The following EXOC4 variants were observed in gnomAD, a reference collection of about 807,000 sequenced individuals.
EXOC4 encodes exocyst complex component 4.
In EXOC4, 71 loss-of-function variants were observed where a neutral mutation model predicts 107.2. The observed-to-expected ratio is 0.66, with a 90% CI of 0.55 to 0.81. EXOC4 has a LOEUF of 0.81. EXOC4 is among the 30% of genes least tolerant of loss of function. The pLI is 0.00. For synonymous variants in EXOC4, 456 were observed against 441.2 expected, an observed-to-expected ratio of 1.03 and a Z score of -0.42; for missense variants, 1,108 against 1,189.6, an observed-to-expected ratio of 0.93 and a Z score of 1.01.
At chr7:133,408,454 A>G (rs1019912856) in intron 7 of EXOC4, among the ~76,000 whole-genome samples, 40 of 148,478 alleles carry the variant, frequency 2.7e-4, no homozygotes, top group African/African-American at 9.2e-4. Flanking sequence ...GTGATGGTAG[A>G]GATGATGGTG....
At chr7:133,692,382 C>T (rs537076464) in intron 10 of EXOC4, among the ~76,000 whole-genome samples, 4 of 152,288 alleles carry the variant, frequency 2.6e-5, no homozygotes, top group African/African-American at 7.2e-5. Context: ...TTTACAGCAT[C>T]GCAGGCTTTA....
At chr7:134,022,348 G>A (rs1795048713) in intron 17 of EXOC4, among the ~76,000 whole-genome samples, 1 of 152,214 alleles carries the variant, frequency 6.6e-6, no homozygotes, top group South Asian at 2.1e-4. Flanking sequence ...GCACATGTGT[G>A]TGAGGAAGCT....
At chr7:133,767,632 A>AT (rs1562989109) in intron 10 of EXOC4, among the ~76,000 whole-genome samples, 1 of 152,000 alleles carries the variant, frequency 6.6e-6, no homozygotes, top group South Asian at 2.1e-4. Context: ...TTCAACTGCA[A>AT]TCTTACATGA....
intron 17 of EXOC4, among the ~76,000 whole-genome samples, chr7:134,061,900 A>C (rs539778802): frequency 6.6e-6 from 1 of 152,328 alleles, no homozygotes; most frequent in Admixed American, 6.5e-5. Context: ...AGATACATTA[A>C]GGAGTAGAAT....
chr7:133,800,571 A>G (rs966610773), intron 10 of EXOC4, among the ~76,000 whole-genome samples: 2 of 152,208 alleles, frequency 1.3e-5, no homozygotes, highest in Admixed American at 6.5e-5. Flanking sequence ...ATTATTAAGT[A>G]ATATTTCTGC....
chr7:133,685,308 A>T (rs530914108), intron 10 of EXOC4, among the ~76,000 whole-genome samples: 3 of 152,108 alleles, frequency 2.0e-5, no homozygotes, highest in Middle Eastern at 3.2e-3. Flanking sequence ...GTGAGTTCTC[A>T]TGAGATCTGA....
At chr7:133,675,624 A>G (rs1387131883) in intron 10 of EXOC4, among the ~76,000 whole-genome samples, 1 of 152,170 alleles carries the variant, frequency 6.6e-6, no homozygotes, top group Admixed American at 6.6e-5. Flanking sequence ...TTCTATGTGG[A>G]CAAATCATTC....
intron 13 of EXOC4, among the ~76,000 whole-genome samples, chr7:133,933,859 C>CG (rs1349088905): frequency 5.3e-5 from 8 of 152,308 alleles, no homozygotes; most frequent in Non-Finnish European, 1.0e-4. Flanking sequence ...TGTGGTGAGA[C>CG]GTTCCGTTTT....
At chr7:133,645,199 C>T (rs1410432919) in intron 10 of EXOC4, among the ~76,000 whole-genome samples, 3 of 150,346 alleles carry the variant, frequency 2.0e-5, no homozygotes, top group Non-Finnish European at 4.4e-5. Flanking sequence ...TCAAGTGATT[C>T]TCCTGCCTCA....
chr7:133,722,239 AT>A (rs1366653157), intron 10 of EXOC4, among the ~76,000 whole-genome samples: 1 of 152,236 alleles, frequency 6.6e-6, no homozygotes, highest in African/African-American at 2.4e-5. Flanking sequence ...TTGGAAATCT[AT>A]TGATAATGCA....
intron 9 of EXOC4, among the ~76,000 whole-genome samples, chr7:133,585,915 G>A (rs1425237818): frequency 6.6e-6 from 1 of 151,856 alleles, no homozygotes; most frequent in Non-Finnish European, 1.5e-5. Flanking sequence ...GGCTGGTCTC[G>A]AACTCCTGAC....
chr7:133,487,485 G>A (rs1016848070), intron 9 of EXOC4, among the ~76,000 whole-genome samples: 4 of 152,152 alleles, frequency 2.6e-5, no homozygotes, highest in African/African-American at 7.2e-5. Context: ...AAGGTGGGTG[G>A]ATCACCTGAG....
At chr7:133,688,049 G>A (rs1794343557) in intron 10 of EXOC4, among the ~76,000 whole-genome samples, 1 of 152,076 alleles carries the variant, frequency 6.6e-6, no homozygotes. Context: ...AAATAGTTTA[G>A]GGAACCATTT....
At chr7:133,719,394 G>T (rs749082911) in intron 10 of EXOC4, among the ~76,000 whole-genome samples, 5 of 152,116 alleles carry the variant, frequency 3.3e-5, no homozygotes, top group Non-Finnish European at 5.9e-5. Flanking sequence ...GAAAAATAGT[G>T]TGGTGGTAGG....
chr7:133,589,275 C>T (rs1801483629), intron 9 of EXOC4, among the ~76,000 whole-genome samples: 1 of 152,192 alleles, frequency 6.6e-6, no homozygotes, highest in Non-Finnish European at 1.5e-5. Context: ...TTTCTCAAAA[C>T]TCTGTCATAA....
At chr7:133,267,845 C>G (rs73436952) in intron 1 of EXOC4, among the ~76,000 whole-genome samples, 1,585 of 152,306 alleles carry the variant, frequency 0.01, 37 homozygotes, top group African/African-American at 0.037. Context: ...TCCATGACCT[C>G]TCTAGATCCT....
chr7:133,336,690 ATTTAT>A (rs1177767668), intron 5 of EXOC4, among the ~76,000 whole-genome samples: 45 of 137,988 alleles, frequency 3.3e-4, no homozygotes, highest in South Asian at 1.2e-3. Context: ...TTTTTATTTT[ATTTAT>A]TTTATTTTAT....
At chr7:133,550,159 G>A (rs764165541) in intron 9 of EXOC4, among the ~76,000 whole-genome samples, 4 of 152,100 alleles carry the variant, frequency 2.6e-5, no homozygotes, top group East Asian at 1.9e-4. Flanking sequence ...GAGGTGTTAC[G>A]TAGGAAATCA....
At chr7:133,268,164 A>G (rs1793778992) in intron 1 of EXOC4, among the ~76,000 whole-genome samples, 1 of 152,200 alleles carries the variant, frequency 6.6e-6, no homozygotes, top group South Asian at 2.1e-4. Flanking sequence ...TTTTACAAAG[A>G]AAAAAACAGA....
Sources: allele counts gnomAD v4.1 joint callset (sites outside exome capture counted in the v4.1 genomes callset), GRCh38; gene constraint gnomAD v4.1.1; transcripts MANE v1.5; gene names NCBI Gene and HGNC (gene_info 2026-07-23, HGNC 2026-07-21).